The following NFIB variants were observed in gnomAD, a reference collection of about 807,000 sequenced individuals.
NFIB encodes nuclear factor I B.
Under a neutral mutation model 61.5 loss-of-function variants are expected in NFIB, and 11 were observed. That is an observed-to-expected ratio of 0.18 (90% CI 0.11 to 0.30). NFIB has a LOEUF of 0.30. Ranked by LOEUF, NFIB falls within the 10% of genes least tolerant of loss-of-function variation. The pLI is 1.00. For synonymous variants in NFIB, 260 were observed against 216.5 expected (o/e 1.20, Z -1.76); for missense variants, 471 against 608.9 (o/e 0.77, Z 2.38).
intron 1 of NFIB, among the ~76,000 whole-genome samples, chr9:14,377,937 C>T (rs1287068515): frequency 2.0e-5 from 3 of 152,192 alleles, no homozygotes; most frequent in Non-Finnish European, 4.4e-5. Context: ...CACTTTCATC[C>T]TCAAAGTGGT....
chr9:14,297,158 A>T (rs1285243685), intron 2 of NFIB, among the ~76,000 whole-genome samples: 1 of 152,198 alleles, frequency 6.6e-6, no homozygotes, highest in East Asian at 1.9e-4. Flanking sequence ...GGAGAAAACT[A>T]AAGAGATTTT....
At chr9:14,393,911 T>C (rs1442232861) in intron 1 of NFIB, among the ~76,000 whole-genome samples, 1 of 152,230 alleles carries the variant, frequency 6.6e-6, no homozygotes, top group African/African-American at 2.4e-5. Context: ...TTTTGGTAAA[T>C]TAACAAATAC....
At chr9:14,167,814 G>C (rs1433876803) in intron 3 of NFIB, among the ~76,000 whole-genome samples, 3 of 152,064 alleles carry the variant, frequency 2.0e-5, no homozygotes, top group Non-Finnish European at 2.9e-5. Flanking sequence ...CCTCATTCAT[G>C]GTCAAGTGAA....
the NFIB span, chr9:14,531,801 C>T: frequency 1.3e-5 from 2 of 152,158 alleles, no homozygotes; most frequent in Admixed American, 1.3e-4. Context: ...GCAGAGGCAC[C>T]CCAGGGTCCC....
chr9:14,239,596 T>A (rs1033189447), intron 2 of NFIB, among the ~76,000 whole-genome samples: 3 of 152,004 alleles, frequency 2.0e-5, no homozygotes, highest in African/African-American at 7.2e-5. Flanking sequence ...GAGAAAGGAA[T>A]CTCTGTTCTA....
chr9:14,464,245 G>T, the NFIB span, among the ~76,000 whole-genome samples: 1 of 152,198 alleles, frequency 6.6e-6, no homozygotes, highest in East Asian at 1.9e-4. Context: ...TTTATGTATG[G>T]TAAGAATCCT....
the NFIB span, among the ~76,000 whole-genome samples, chr9:14,497,089 G>C: frequency 5.9e-5 from 9 of 152,332 alleles, no homozygotes; most frequent in East Asian, 1.7e-3. Context: ...GTGAGTCCAA[G>C]CTGTACTACT....
chr9:14,398,793 T>C, exon 1 of NFIB: 1 of 557,074 alleles, frequency 1.8e-6, no homozygotes, highest in Non-Finnish European at 3.1e-6. Flanking sequence ...GATGGATCTT[T>C]ATGGAGCAGA....
the NFIB span, among the ~76,000 whole-genome samples, chr9:14,492,700 C>T: frequency 2.0e-5 from 3 of 152,290 alleles, no homozygotes; most frequent in Non-Finnish European, 2.9e-5. Flanking sequence ...ATGATACAAT[C>T]ACCTCCCACC....
intron 2 of NFIB, among the ~76,000 whole-genome samples, chr9:14,303,258 T>A (rs1425357549): frequency 6.6e-6 from 1 of 152,216 alleles, no homozygotes; most frequent in Non-Finnish European, 1.5e-5. Context: ...TCAGTCATAA[T>A]GAATGCATCA....
At chr9:14,337,566 T>C (rs2060899345) in intron 1 of NFIB, among the ~76,000 whole-genome samples, 2 of 152,238 alleles carry the variant, frequency 1.3e-5, no homozygotes, top group African/African-American at 4.8e-5. Context: ...ATTTTATGTG[T>C]ATACTCGGAA....
Position 14,097,875 on chromosome 9 carries a change from C to CTTTTTTTTTTTTTTTTTT in NFIB, c.1468-9567_1468-9550dup, listed in dbSNP as rs71321962. Among the ~76,000 whole-genome samples the CTTTTTTTTTTTTTTTTTT allele has an allele frequency of 1.5e-3, 170 of 110,860 alleles. 3 individuals carry two copies. The highest frequency in any genetic ancestry group is 2.2e-3 in the Non-Finnish European group (125 of 55,844). The allele number at this position is 110,860 out of a possible 152,430, so 72.7% of individuals were successfully genotyped here. ...CTTTTTTTTTCTTTCTTTCTTTTTTCTTTTTTTTTTTTTTTTTTGCCCTCC... is the reference window on the plus strand; with the variant it reads ...CTTTTTTTTTCTTTCTTTCTTTTTTCTTTTTTTTTTTTTTTTTTTTTTTTTTTTTTTTTTTTGCCCTCC... On this transcript the variant is annotated intron_variant, in intron 10 of 10. Transcript: ENST00000380953.
In NFIB at chr9:14,173,707, T is replaced by C. The variant is rs901377837; in HGVS notation, c.616+6020A>G. 3.9e-5 allele frequency among the ~76,000 whole-genome samples: 6 copies of C among 152,208 alleles called. No individual in the cohort carries two copies. The South Asian group carries it at 1.0e-3, about 26-fold the overall frequency. On this transcript the variant is annotated intron_variant, in intron 3 of 10. Coordinates refer to ENST00000380953, the MANE Select transcript of NFIB (RefSeq NM_001190737.2). ...TCTCTGCTTCTAATGTTGAGCTGAC[T>C]CAAATGTAGTATTTAATTGTTAACT...
intron 1 of NFIB, among the ~76,000 whole-genome samples, chr9:14,352,501 GC>G (rs2061125558): frequency 6.6e-6 from 1 of 152,200 alleles, no homozygotes; most frequent in Non-Finnish European, 1.5e-5. Context: ...TGTTCCTCCT[GC>G]CCCTGCCTGG....
At chr9:14,413,558 C>T in the NFIB span, among the ~76,000 whole-genome samples, 1 of 151,920 alleles carries the variant, frequency 6.6e-6, no homozygotes, top group Non-Finnish European at 1.5e-5. Flanking sequence ...CTAGTAATTA[C>T]CTCCTAGCAT....
the NFIB span, among the ~76,000 whole-genome samples, chr9:14,413,709 G>A: frequency 2.6e-5 from 4 of 152,162 alleles, no homozygotes; most frequent in African/African-American, 4.8e-5. Context: ...CCACCAGCTT[G>A]GGACATGGTA....
the NFIB span, among the ~76,000 whole-genome samples, chr9:14,484,704 T>C: frequency 3.9e-5 from 6 of 152,274 alleles, no homozygotes; most frequent in East Asian, 1.9e-4. Flanking sequence ...ATTAATGTAA[T>C]AGATAATTAT....
At chr9:14,414,291 T>C in the NFIB span, among the ~76,000 whole-genome samples, 16 of 151,852 alleles carry the variant, frequency 1.1e-4, no homozygotes, top group Admixed American at 7.9e-4. Flanking sequence ...AAAAATTAGC[T>C]GGGCGTGGTG....
chr9:14,288,574 G>C (rs2097386573), intron 2 of NFIB, among the ~76,000 whole-genome samples: 1 of 152,006 alleles, frequency 6.6e-6, no homozygotes, highest in Admixed American at 6.6e-5. Flanking sequence ...CATAACCCCT[G>C]AGAAAACTCT....
Sources: gnomAD v4.1 joint callset for allele counts (sites outside exome capture counted in the v4.1 genomes callset) on GRCh38, gnomAD v4.1.1 for gene constraint, MANE v1.5 for transcripts, NCBI Gene and HGNC (gene_info 2026-07-23, HGNC 2026-07-21) for gene names.